The following PRKCQ variants were observed in gnomAD, a reference collection of about 807,000 sequenced individuals.
The protein encoded by PRKCQ is protein kinase C theta type.
A neutral mutation model predicts 91.2 loss-of-function variants in PRKCQ; 41 were observed. The observed-to-expected ratio is 0.45, with a 90% confidence interval of 0.35 to 0.58. The LOEUF (loss-of-function observed/expected upper bound fraction) is 0.58, where lower values mean the gene tolerates loss of function less well. Among genes scored for constraint, PRKCQ ranks in the 20% least tolerant of loss-of-function variants. The probability of loss-of-function intolerance (pLI) is 0.00; values close to 1 mark genes in which losing one functional copy is unlikely to be tolerated. For missense variants in PRKCQ, 673 were observed against 896.5 expected (o/e 0.75, Z 3.18); for synonymous variants, 307 against 316.9 (o/e 0.97, Z 0.33).
At chr10:6,574,662 G>A (rs1212337854) in intron 1 of PRKCQ, among the ~76,000 whole-genome samples, 1 of 152,188 alleles carries the variant, frequency 6.6e-6, no homozygotes, top group African/African-American at 2.4e-5. Context: ...TGGAGAGAAT[G>A]ACACTCCAAG....
At chr10:6,395,146 C>T in the PRKCQ span, among the ~76,000 whole-genome samples, 1 of 147,116 alleles carries the variant, frequency 6.8e-6, no homozygotes, top group African/African-American at 2.5e-5. Context: ...TCACTGCAAG[C>T]TCCGCCTCCC....
chr10:6,429,667 T>C (rs1411510056), intron 17 of PRKCQ, among the ~76,000 whole-genome samples: 1 of 152,198 alleles, frequency 6.6e-6, no homozygotes, highest in Non-Finnish European at 1.5e-5. Flanking sequence ...TTAAAAATCA[T>C]TATTTTTAGA....
intron 16 of PRKCQ, among the ~76,000 whole-genome samples, chr10:6,432,767 C>T (rs543333278): frequency 6.6e-6 from 1 of 152,272 alleles, no homozygotes; most frequent in South Asian, 2.1e-4. Context: ...CTCACAGGAC[C>T]TTCCATTTCC....
intron 1 of PRKCQ, among the ~76,000 whole-genome samples, chr10:6,546,957 G>A (rs1839974542): frequency 6.6e-6 from 1 of 152,124 alleles, no homozygotes; most frequent in Non-Finnish European, 1.5e-5. Context: ...GTTGAATTTT[G>A]TCAAAGGCCT....
the PRKCQ span, among the ~76,000 whole-genome samples, chr10:6,407,785 A>G: frequency 4.3e-4 from 65 of 152,166 alleles, 1 homozygote; most frequent in African/African-American, 1.4e-3. This position sits in a 1 kb window ranked among gnomAD's most constrained non-coding sequence, Gnocchi z 4.0. Context: ...TTCATGGCCA[A>G]TTTTGTTTCA....
chr10:6,425,267 C>T (rs1292137023), downstream of PRKCQ, among the ~76,000 whole-genome samples: 1 of 151,502 alleles, frequency 6.6e-6, no homozygotes, highest in African/African-American at 2.4e-5. Flanking sequence ...CTCTGTCGCC[C>T]AGGCTGGAGT....
At chr10:6,413,951 CTA>C in the PRKCQ span, among the ~76,000 whole-genome samples, 1 of 152,304 alleles carries the variant, frequency 6.6e-6, no homozygotes, top group Non-Finnish European at 1.5e-5. Flanking sequence ...CAACCAAAAT[CTA>C]ACAATAAATA....
At chr10:6,513,482 A>C (rs916389169) in intron 2 of PRKCQ, among the ~76,000 whole-genome samples, 2 of 150,520 alleles carry the variant, frequency 1.3e-5, no homozygotes, top group Admixed American at 6.6e-5. Context: ...TCAGGAAGCA[A>C]ATGTCAGGGA....
intron 8 of PRKCQ, 89 bp downstream of exon 8, chr10:6,491,594 C>G (rs1412442793): frequency 3.9e-6 from 6 of 1,543,494 alleles, no homozygotes; most frequent in African/African-American, 2.7e-5. Context: ...AGTGGTACCC[C>G]CTACATCCTC....
the PRKCQ span, among the ~76,000 whole-genome samples, chr10:6,413,639 A>G: frequency 2.0e-4 from 18 of 88,952 alleles, 6 homozygotes; most frequent in African/African-American, 1.1e-3. Flanking sequence ...CCACTTGTGC[A>G]CACACACACA....
chr10:6,497,675 TC>T lies in PRKCQ; in HGVS notation c.543-425del, dbSNP rs1837692860. On this transcript the variant is annotated intron_variant, in intron 5 of 17. Coordinates refer to ENST00000263125, the MANE Select transcript of PRKCQ (RefSeq NM_006257.5). This position sits in a 1 kb window ranked among gnomAD's most constrained non-coding sequence, Gnocchi z 4.5. ...GAGAATATTTGCAACCAACAAAGTC[TC>T]ACATGCAGGACCGATTCCTGAGTGA... is the stretch of plus-strand genomic sequence containing the variant. Among the ~76,000 whole-genome samples the T allele has an allele frequency of 6.6e-6, 1 of 152,164 alleles. No individual in the cohort carries two copies. The highest frequency in any genetic ancestry group is 6.5e-5 in the Admixed American group (1 of 15,276).
chr10:6,441,812 G>C, intron 16 of PRKCQ, 81 bp downstream of exon 16: 10 of 1,395,398 alleles, frequency 7.2e-6, no homozygotes, highest in Admixed American at 2.3e-5. Context: ...CCACATGCAA[G>C]TTGGAAACTA....
the PRKCQ span, among the ~76,000 whole-genome samples, chr10:6,408,239 C>T: frequency 6.6e-6 from 1 of 152,040 alleles, no homozygotes; most frequent in African/African-American, 2.4e-5. Flanking sequence ...CTGATTACAT[C>T]TCCAGGGTGT....
intron 1 of PRKCQ, among the ~76,000 whole-genome samples, chr10:6,556,433 G>A (rs1588420646): frequency 1.1e-5 from 1 of 93,482 alleles, no homozygotes; most frequent in African/African-American, 6.6e-5. Context: ...CCCTGTCTTG[G>A]GAAAAAAAAA....
intron 1 of PRKCQ, among the ~76,000 whole-genome samples, chr10:6,533,439 C>T (rs950687756): frequency 6.6e-6 from 1 of 152,076 alleles, no homozygotes. Flanking sequence ...TCAGGTGATC[C>T]ACCCGCCTCA....
chr10:6,519,761 G>A (rs953116660), intron 1 of PRKCQ, among the ~76,000 whole-genome samples: 6 of 152,156 alleles, frequency 3.9e-5, no homozygotes, highest in African/African-American at 1.4e-4. Context: ...TGGGATGTAT[G>A]TTGGACATAT....
chr10:6,445,868 C>T (rs185442490), intron 15 of PRKCQ, among the ~76,000 whole-genome samples: 1 of 152,242 alleles, frequency 6.6e-6, no homozygotes, highest in African/African-American at 2.4e-5. Context: ...GACTTGCCCA[C>T]AAGGCGGCGT....
chr10:6,507,994 G>A (rs1166840015), intron 3 of PRKCQ, among the ~76,000 whole-genome samples: 1 of 152,158 alleles, frequency 6.6e-6, no homozygotes, highest in African/African-American at 2.4e-5. Flanking sequence ...CAATGGGGAT[G>A]GCTTTTCTCT....
At chr10:6,399,534 G>A in the PRKCQ span, among the ~76,000 whole-genome samples, 1 of 148,648 alleles carries the variant, frequency 6.7e-6, no homozygotes, top group Non-Finnish European at 1.5e-5. Flanking sequence ...GTTGAGACAG[G>A]TTGAATAGCC....
Sources: gnomAD v4.1 joint callset for allele counts (sites outside exome capture counted in the v4.1 genomes callset) on GRCh38, gnomAD v4.1.1 for gene constraint, Gnocchi (gnomAD v3.1) non-coding constraint, MANE v1.5 for transcripts, NCBI Gene and HGNC (gene_info 2026-07-23, HGNC 2026-07-21) for gene names.